Variants in C7 observed in about 807,000 individuals in gnomAD.
C7 encodes complement component C7.
In C7, 83 loss-of-function variants were observed where a neutral mutation model predicts 104.8. That is an observed-to-expected ratio of 0.79 (90% CI 0.66 to 0.95). The LOEUF is 0.95. Ranked by LOEUF, C7 falls within the 40% of genes least tolerant of loss-of-function variation. The probability of loss-of-function intolerance (pLI) is 0.00; values close to 1 mark genes in which losing one functional copy is unlikely to be tolerated. For missense variants in C7, 1,070 were observed against 1,011.2 expected (o/e 1.06, Z -0.79); for synonymous variants, 415 against 360.6 (o/e 1.15, Z -1.71).
intron 1 of C7, among the ~76,000 whole-genome samples, chr5:40,923,216 T>G (rs1226717688): frequency 2.0e-5 from 3 of 152,130 alleles, no homozygotes; most frequent in African/African-American, 7.2e-5. Flanking sequence ...AACAGGTATA[T>G]GAAAAAATGC....
Position 40,984,470 on chromosome 5 carries a change from A to G in C7, c.*2897A>G, listed in dbSNP as rs1427368311. Among the ~76,000 whole-genome samples the G allele has an allele frequency of 6.6e-6, 1 of 152,118 alleles. No homozygotes were observed. The highest frequency in any genetic ancestry group is 2.4e-5 in the African/African-American group (1 of 41,422). Reference sequence around the variant, plus strand: ...CTTGTGAACCATCTAGTTGTTTTGTAACTGCTAAGAGCTGCAAGTGCTGAG... The same window carrying G: ...CTTGTGAACCATCTAGTTGTTTTGTGACTGCTAAGAGCTGCAAGTGCTGAG... On this transcript the variant is annotated 3_prime_UTR_variant, in exon 18 of 18. Transcript: ENST00000313164.
intron 1 of C7, among the ~76,000 whole-genome samples, chr5:40,915,217 C>T (rs908644366): frequency 6.6e-6 from 1 of 152,128 alleles, no homozygotes; most frequent in Non-Finnish European, 1.5e-5. Context: ...TTGCCATCAC[C>T]AGACTCCAAC....
intron 8 of C7, 28 bp downstream of exon 8, chr5:40,947,873 A>G (rs1197784097): frequency 6.2e-7 from 1 of 1,602,888 alleles, no homozygotes. Context: ...TCGTTGTCTA[A>G]AGGCATTTCT....
rs118019501 is a variant in C7, at chr5:40,945,026, C to T, written c.568-172C>T. ...GTGTCCTGCTTAATAAAAAAATAATCGTAGAATGAACTCTTTCCTTATAAT... is the reference window on the plus strand; with the variant it reads ...GTGTCCTGCTTAATAAAAAAATAATTGTAGAATGAACTCTTTCCTTATAAT... On this transcript the variant is annotated intron_variant, in intron 6 of 17. Transcript: ENST00000313164. Among the ~76,000 whole-genome samples, 44 of 152,274 alleles carry T rather than the reference C, an allele frequency of 2.9e-4. No homozygotes were observed. In the East Asian group the frequency reaches 6.2e-3, roughly 21 times the overall value.
chr5:40,910,368 A>C (rs1739181392), intron 1 of C7, among the ~76,000 whole-genome samples: 1 of 152,150 alleles, frequency 6.6e-6, no homozygotes, highest in African/African-American at 2.4e-5. Context: ...TTGCATTGTA[A>C]GACTGTAGGA....
At chr5:40,972,891 A>T (rs1386201030) in intron 15 of C7, among the ~76,000 whole-genome samples, 6 of 152,154 alleles carry the variant, frequency 3.9e-5, no homozygotes, top group Non-Finnish European at 8.8e-5. Flanking sequence ...AGGATTTTTA[A>T]AATCTGTTTT....
chr5:40,979,979 G>A (rs1182110867), intron 17 of C7, 70 bp downstream of exon 17: 3 of 1,387,186 alleles, frequency 2.2e-6, no homozygotes, highest in African/African-American at 2.9e-5. Context: ...AAAAAATGTG[G>A]TTTCTAGTTT....
chr5:40,925,548 C>T (rs1739533544), intron 1 of C7, among the ~76,000 whole-genome samples: 1 of 152,214 alleles, frequency 6.6e-6, no homozygotes, highest in Non-Finnish European at 1.5e-5. Flanking sequence ...TCCAAAGCTG[C>T]TTTCACACTG....
Position 40,934,348 on chromosome 5 carries a change from G to T in C7, c.162G>T (p.Val54=), listed in dbSNP as rs371288921. The change falls in exon 4 of 18, where the codon GTG becomes GTT. Residue 54 remains valine, a synonymous_variant. Transcript: ENST00000313164. The stretch of plus-strand genomic sequence containing the variant: ...AGACTCGCAGGCGGTCAGTTGCTGT[G>T]TATGGGCAGTATGGAGGCCAGCCTT... ...KTQTRRRSVA[V]YGQYGGQPCV... 2 of 1,612,952 alleles carry T rather than the reference G, an allele frequency of 1.2e-6. No homozygotes were observed. The highest frequency in any genetic ancestry group is 8.5e-7 in the Non-Finnish European group (1 of 1,179,372).
intron 1 of C7, among the ~76,000 whole-genome samples, chr5:40,912,044 G>A (rs991751521): frequency 2.0e-5 from 3 of 151,908 alleles, no homozygotes; most frequent in African/African-American, 4.8e-5. Context: ...CACCACGCCC[G>A]GCCCCACATA....
chr5:40,977,086 G>A (rs1740835454), intron 16 of C7, among the ~76,000 whole-genome samples: 1 of 152,154 alleles, frequency 6.6e-6, no homozygotes, highest in African/African-American at 2.4e-5. Context: ...AGCACTGCTT[G>A]TTTTATATAT....
intron 11 of C7, among the ~76,000 whole-genome samples, chr5:40,958,787 A>G (rs1203646663): frequency 4.6e-5 from 7 of 152,206 alleles, no homozygotes; most frequent in African/African-American, 1.2e-4. Context: ...TACAATCTAT[A>G]TACTTTTGTT....
At chr5:40,947,465 C>G in intron 7 of C7, 137 bp from the exon 8 acceptor site, 2 of 904,928 alleles carry the variant, frequency 2.2e-6, no homozygotes, top group Non-Finnish European at 3.5e-6. Flanking sequence ...GAGTGCTCAT[C>G]ATGCGTCAAA....
intron 5 of C7, 33 bp from the exon 6 acceptor site, chr5:40,937,519 A>G (rs754203511): frequency 8.4e-6 from 13 of 1,556,826 alleles, no homozygotes; most frequent in Non-Finnish European, 1.1e-5. Flanking sequence ...ACGGCTTTTT[A>G]TTTCCTCCTT....
At chr5:40,931,212 C>A in intron 3 of C7, 73 bp downstream of exon 3, 1 of 1,076,688 alleles carries the variant, frequency 9.3e-7, no homozygotes, top group East Asian at 2.4e-5. Context: ...ATGGTATTAA[C>A]TTTTGAATGT....
chr5:40,975,854 TA>T (rs1561261144), intron 15 of C7, among the ~76,000 whole-genome samples: 1 of 152,238 alleles, frequency 6.6e-6, no homozygotes, highest in African/African-American at 2.4e-5. Context: ...ATTCTCCAGA[TA>T]AACTACCTTT....
At chr5:40,933,326 G>T (rs565897983) in intron 3 of C7, among the ~76,000 whole-genome samples, 2 of 152,256 alleles carry the variant, frequency 1.3e-5, no homozygotes, top group East Asian at 1.9e-4. Flanking sequence ...TTCACTCAAG[G>T]TTTAAATCCT....
chr5:40,981,718 C>G lies in C7; in HGVS notation c.*145C>G, dbSNP rs1165543159. The G allele has an allele frequency of 1.9e-5, 12 of 629,024 alleles. No individual in the cohort carries two copies. Among genetic ancestry groups the G allele is most frequent in the Non-Finnish European group, 3.2e-5 (12 of 374,724 alleles). 39.0% of individuals were successfully genotyped at this position (629,024 alleles called of 1,614,324 possible). A position where few individuals can be genotyped will look rare whatever the true frequency, so the allele number is the denominator to read the frequency against. On this transcript the variant is annotated 3_prime_UTR_variant, in exon 18 of 18. Transcript: ENST00000313164. Reference sequence around the variant, plus strand: ...CTCAACTCCCAGCCATCTGTATAAACACAATCCTTTGTTCTCCCAAATCTG... The same window carrying G: ...CTCAACTCCCAGCCATCTGTATAAAGACAATCCTTTGTTCTCCCAAATCTG...
intron 1 of C7, among the ~76,000 whole-genome samples, chr5:40,922,920 G>A (rs1223288997): frequency 6.6e-6 from 1 of 152,074 alleles, no homozygotes; most frequent in Non-Finnish European, 1.5e-5. Context: ...TCTAGGCAAC[G>A]TTTTTTGGGG....
Sources: gnomAD v4.1 joint callset for allele counts (sites outside exome capture counted in the v4.1 genomes callset) on GRCh38, gnomAD v4.1.1 for gene constraint, MANE v1.5 for transcripts, NCBI Gene and HGNC (gene_info 2026-07-23, HGNC 2026-07-21) for gene names.